PTPRD: variants seen among roughly 807,000 people sequenced by gnomAD.
PTPRD encodes the protein protein tyrosine phosphatase receptor type D, also known as receptor-type tyrosine-protein phosphatase delta.
In PTPRD, 34 loss-of-function variants were observed where a neutral mutation model predicts 214.5. That is an observed-to-expected ratio of 0.16 (90% CI 0.12 to 0.21). The LOEUF is 0.21. PTPRD is among the 10% of genes least tolerant of loss of function. The pLI, the probability that PTPRD is intolerant of heterozygous loss-of-function variation, is 1.00. For synonymous variants in PTPRD, 1,128 were observed against 845.7 expected (o/e 1.33, Z -5.79); for missense variants, 2,545 against 2,398.7 (o/e 1.06, Z -1.27).
At chr9:8,391,651 G>C (rs995779914) in intron 36 of PTPRD, among the ~76,000 whole-genome samples, 1 of 152,102 alleles carries the variant, frequency 6.6e-6, no homozygotes, top group African/African-American at 2.4e-5. Flanking sequence ...TTGATAAAAA[G>C]GATTCTGGCT....
At chr9:9,528,202 C>T (rs1262097434) in intron 8 of PTPRD, among the ~76,000 whole-genome samples, 1 of 152,076 alleles carries the variant, frequency 6.6e-6, no homozygotes, top group Non-Finnish European at 1.5e-5. Context: ...CTCTACCAAG[C>T]CTTTCACTGA....
Position 10,031,647 on chromosome 9 carries a change from T to TATATATATATATACACACACACACACAC in PTPRD, c.-472+2070_-472+2071insGTGTGTGTGTGTGTGTATATATATATAT. Reference sequence around the variant, plus strand: ...CTCCATATATATATATATATATATATACACACACACACACACACATACACA... The same window carrying TATATATATATATACACACACACACACAC: ...CTCCATATATATATATATATATATATATATATATATATACACACACACACACACACACACACACACACACACATACACA... On this transcript the variant is annotated intron_variant, in intron 4 of 45. Transcript: ENST00000381196. 3.1e-3 allele frequency among the ~76,000 whole-genome samples: 280 copies of TATATATATATATACACACACACACACAC among 89,500 alleles called. 8 individuals are homozygous for TATATATATATATACACACACACACACAC. Among genetic ancestry groups the TATATATATATATACACACACACACACAC allele is most frequent in the African/African-American group, 0.015 (182 of 12,280 alleles). The allele number at this position is 89,500 out of a possible 152,430, so 58.7% of individuals were successfully genotyped here.
chr9:9,757,415 C>T (rs1171225400), intron 6 of PTPRD, among the ~76,000 whole-genome samples: 3 of 152,054 alleles, frequency 2.0e-5, no homozygotes, highest in Admixed American at 6.6e-5. Context: ...CAACTGAAAA[C>T]ACTAATTTTA....
intron 11 of PTPRD, among the ~76,000 whole-genome samples, chr9:8,830,625 G>C (rs1298032973): frequency 6.6e-6 from 1 of 152,134 alleles, no homozygotes; most frequent in Admixed American, 6.5e-5. Flanking sequence ...CAGCGACACA[G>C]TGTCCACCCT....
intron 11 of PTPRD, among the ~76,000 whole-genome samples, chr9:8,987,110 A>G (rs181443239): frequency 2.6e-4 from 39 of 152,244 alleles, no homozygotes; most frequent in Admixed American, 5.2e-4. Flanking sequence ...GCATGTTGTC[A>G]AAATAACCTA....
intron 8 of PTPRD, among the ~76,000 whole-genome samples, chr9:9,572,624 GTA>G (rs566002218): frequency 1.4e-4 from 20 of 145,444 alleles, no homozygotes; most frequent in African/African-American, 4.3e-4. Context: ...ATACATATAT[GTA>G]TATATATGTA....
chr9:8,792,343 C>A (rs565093959), intron 11 of PTPRD, among the ~76,000 whole-genome samples: 2 of 152,104 alleles, frequency 1.3e-5, no homozygotes, highest in Non-Finnish European at 2.9e-5. Flanking sequence ...CCAGAACATA[C>A]GCATTAAAAA....
rs750166546 is a variant in PTPRD at position 8,341,285 on chromosome 9, A to T, written c.4948-17T>A. On this transcript the variant is annotated splice_polypyrimidine_tract_variant and intron_variant, in intron 40 of 45. Coordinates refer to ENST00000381196, the MANE Select transcript of PTPRD (RefSeq NM_002839.4). ...GGCTAGACGCTGTTGAATAGGAAAA[A>T]AAAAAAAGGAAAAACCCAACAAAGA... is the stretch of plus-strand genomic sequence containing the variant. 6.4e-7 allele frequency: 1 copy of T among 1,554,254 alleles called. No homozygotes were observed. Among genetic ancestry groups the T allele is most frequent in the South Asian group, 1.2e-5 (1 of 80,594 alleles).
intron 7 of PTPRD, among the ~76,000 whole-genome samples, chr9:9,592,084 C>T (rs956169008): frequency 6.6e-6 from 1 of 151,920 alleles, no homozygotes; most frequent in Non-Finnish European, 1.5e-5. Context: ...AGGCTTTTTT[C>T]AATATGGACT....
At chr9:10,392,879 G>C (rs1201052907) in intron 2 of PTPRD, among the ~76,000 whole-genome samples, 1 of 151,854 alleles carries the variant, frequency 6.6e-6, no homozygotes, top group Non-Finnish European at 1.5e-5. Flanking sequence ...GCAGATTTCT[G>C]AGGCCTTCAG....
Position 8,733,926 on chromosome 9 carries a change from C to T in PTPRD, c.-83G>A, listed in dbSNP as rs1598296663. The stretch of plus-strand genomic sequence containing the variant: ...AGCGAGTCTGTCCGATCTGAAATTT[C>T]AGCTGGAACACTTTCAGAGCCTGAA... On this transcript the variant is annotated 5_prime_UTR_variant, in exon 12 of 46. Coordinates refer to ENST00000381196, the MANE Select transcript of PTPRD (RefSeq NM_002839.4). 1 of 1,371,798 alleles carries T rather than the reference C, an allele frequency of 7.3e-7. No homozygotes were observed. The allele number at this position is 1,371,798 out of a possible 1,614,324, so 85.0% of individuals were successfully genotyped here. A position where few individuals can be genotyped will look rare whatever the true frequency, so the allele number is the denominator to read the frequency against.
At chr9:9,478,616 CT>C (rs1173669027) in intron 8 of PTPRD, among the ~76,000 whole-genome samples, 2 of 152,128 alleles carry the variant, frequency 1.3e-5, no homozygotes, top group East Asian at 1.9e-4. Context: ...CTGCATCCCC[CT>C]CTCTCTCTAT....
intron 3 of PTPRD, among the ~76,000 whole-genome samples, chr9:10,339,072 G>A (rs1239304082): frequency 6.6e-6 from 1 of 151,720 alleles, no homozygotes; most frequent in Non-Finnish European, 1.5e-5. Context: ...GAGTATCCAG[G>A]TGGTATTGTT....
At chr9:10,117,611 C>A (rs1415083717) in intron 3 of PTPRD, among the ~76,000 whole-genome samples, 1 of 63,064 alleles carries the variant, frequency 1.6e-5, no homozygotes, top group South Asian at 7.6e-4. Flanking sequence ...TAAATCTCCC[C>A]GTTTTTTTTT....
intron 11 of PTPRD, among the ~76,000 whole-genome samples, chr9:8,799,402 T>G (rs1333821619): frequency 1.3e-5 from 2 of 152,198 alleles, no homozygotes; most frequent in African/African-American, 4.8e-5. Flanking sequence ...TTCTTTGAAG[T>G]TTCCCTGCTG....
At chr9:9,537,309 T>C (rs780586308) in intron 8 of PTPRD, among the ~76,000 whole-genome samples, 5 of 151,966 alleles carry the variant, frequency 3.3e-5, no homozygotes, top group Non-Finnish European at 7.4e-5. Flanking sequence ...TTTTAAGTAG[T>C]GGAGTTGGAA....
intron 4 of PTPRD, among the ~76,000 whole-genome samples, chr9:9,966,310 A>T (rs904361703): frequency 6.6e-6 from 1 of 152,148 alleles, no homozygotes; most frequent in Non-Finnish European, 1.5e-5. Flanking sequence ...CATTTACTAA[A>T]ATCTTCAGAC....
intron 35 of PTPRD, among the ~76,000 whole-genome samples, chr9:8,411,892 A>C (rs1191556629): frequency 6.6e-6 from 1 of 152,214 alleles, no homozygotes; most frequent in African/African-American, 2.4e-5. Flanking sequence ...ATCACTTTAC[A>C]AATACAATTC....
At chr9:8,990,795 A>C (rs974487321) in intron 11 of PTPRD, among the ~76,000 whole-genome samples, 1 of 152,188 alleles carries the variant, frequency 6.6e-6, no homozygotes, top group Non-Finnish European at 1.5e-5. Context: ...GAGAAAGGCC[A>C]GGAAGAATCT....
Sources: gnomAD v4.1 joint callset for allele counts (sites outside exome capture counted in the v4.1 genomes callset) on GRCh38, gnomAD v4.1.1 for gene constraint, MANE v1.5 for transcripts, NCBI Gene and HGNC (gene_info 2026-07-23, HGNC 2026-07-21) for gene names.